SHROOM3: variants seen among roughly 807,000 people sequenced by gnomAD.
SHROOM3 encodes shroom family member 3.
Under a neutral mutation model 138.6 loss-of-function variants are expected in SHROOM3, and 47 were observed. The ratio of observed to expected loss-of-function variants is 0.34; its 90% CI spans 0.27 to 0.43. SHROOM3 has a LOEUF of 0.43. SHROOM3 is among the 20% of genes least tolerant of loss of function. The probability of loss-of-function intolerance (pLI) is 1.00; values close to 1 mark genes in which losing one functional copy is unlikely to be tolerated. For synonymous variants in SHROOM3, 1,062 were observed against 1,063.3 expected (o/e 1.00, Z 0.02); for missense variants, 2,491 against 2,596.5 (o/e 0.96, Z 0.88).
In SHROOM3 at chr4:76,778,976, G is replaced by T. The variant is rs563361488; in HGVS notation, c.5790G>T (p.Thr1930=). The stretch of plus-strand genomic sequence containing the variant: ...AGCACTTCGTGAAAATGAAGTCCAC[G>T]CTCCTCATTGAGCAACGGAAGCTGG... ...DYQHFVKMKS[T]LLIEQRKLDD... The change falls in exon 11 of 11, where the codon ACG becomes ACT. Residue 1930 remains threonine (T), a synonymous_variant. Coordinates refer to ENST00000296043, the MANE Select transcript of SHROOM3 (RefSeq NM_020859.4). 1.9e-6 allele frequency: 3 copies of T among 1,614,122 alleles called. No homozygotes were observed. The highest frequency in any genetic ancestry group is 2.5e-6 in the Non-Finnish European group (3 of 1,180,026).
chr4:76,548,111 A>G (rs1026546278), intron 1 of SHROOM3, among the ~76,000 whole-genome samples: 2 of 151,640 alleles, frequency 1.3e-5, no homozygotes, highest in Admixed American at 6.6e-5. Context: ...AAAAAGTCAA[A>G]TGGTTCCCTG....
chr4:76,660,080 G>A (rs556693347), intron 2 of SHROOM3, among the ~76,000 whole-genome samples: 3 of 152,042 alleles, frequency 2.0e-5, no homozygotes, highest in African/African-American at 4.8e-5. Flanking sequence ...CACCTCACAC[G>A]CACCTCTCTC....
intron 1 of SHROOM3, among the ~76,000 whole-genome samples, chr4:76,511,430 C>T (rs755648955): frequency 6.6e-5 from 10 of 152,090 alleles, no homozygotes; most frequent in South Asian, 2.1e-4. Flanking sequence ...ATGCTTTTAT[C>T]GCTATAATCG....
At chr4:76,676,944 C>CAAAAAAAAAAAAAAAAA (rs58270392) in intron 2 of SHROOM3, among the ~76,000 whole-genome samples, 45 of 79,042 alleles carry the variant, frequency 5.7e-4, no homozygotes, top group African/African-American at 2.4e-3. Context: ...CTCCGTCTCA[C>CAAAAAAAAAAAAAAAAA]AAAAAAAAAA....
intron 2 of SHROOM3, chr4:76,645,301 T>A (rs1735788921): frequency 6.6e-6 from 1 of 152,140 alleles, no homozygotes; most frequent in Non-Finnish European, 1.5e-5. Flanking sequence ...CTCTCCAGCC[T>A]CTCCCCACCG....
intron 2 of SHROOM3, chr4:76,586,125 A>AGT (rs1734147130): frequency 6.7e-6 from 3 of 450,380 alleles, no homozygotes; most frequent in Non-Finnish European, 8.8e-6. Context: ...GTTCTGGCCG[A>AGT]GTGGACTTCC....
chr4:76,440,070 C>T (rs1461625343), intron 1 of SHROOM3, among the ~76,000 whole-genome samples: 3 of 152,158 alleles, frequency 2.0e-5, no homozygotes, highest in Non-Finnish European at 4.4e-5. Flanking sequence ...AAAGCAGTTC[C>T]ACCTGCAGAA....
intron 2 of SHROOM3, chr4:76,688,272 C>G (rs1577974351): frequency 2.3e-6 from 1 of 433,318 alleles, no homozygotes. Flanking sequence ...CAGGGAGGAG[C>G]CTGTCCATGA....
At chr4:76,734,175 C>A (rs2110130237) in intron 4 of SHROOM3, among the ~76,000 whole-genome samples, 1 of 152,284 alleles carries the variant, frequency 6.6e-6, no homozygotes, top group Admixed American at 6.5e-5. Context: ...AAGCCCCCTG[C>A]ACCACAATTA....
At chr4:76,696,185 G>A (rs1719718541) in intron 2 of SHROOM3, among the ~76,000 whole-genome samples, 1 of 152,198 alleles carries the variant, frequency 6.6e-6, no homozygotes, top group African/African-American at 2.4e-5. Flanking sequence ...GCTTTGCTGT[G>A]CAAAAGCTCC....
intron 1 of SHROOM3, among the ~76,000 whole-genome samples, chr4:76,495,085 C>G (rs1731936141): frequency 6.6e-6 from 1 of 152,176 alleles, no homozygotes; most frequent in African/African-American, 2.4e-5. Flanking sequence ...TGCAGTGTAA[C>G]AAGAGGTGTG....
chr4:76,646,225 A>AATAAATAAATATATATATATATATAT lies in SHROOM3; in HGVS notation c.324-63928_324-63927insAATAAATATATATATATATATATATA, dbSNP rs61374645. Among the ~76,000 whole-genome samples, 156 of 96,134 alleles carry AATAAATAAATATATATATATATATAT rather than the reference A, an allele frequency of 1.6e-3. 1 individual carries two copies. The highest frequency in any genetic ancestry group is 4.4e-3 in the Middle Eastern group (1 of 228). 63.1% of individuals were successfully genotyped at this position (96,134 alleles called of 152,430 possible). On this transcript the variant is annotated intron_variant, in intron 2 of 10. Coordinates refer to ENST00000296043, the MANE Select transcript of SHROOM3 (RefSeq NM_020859.4). ...CCTAGAACTTAAAGTATAATAAATAAATATATATATATATATATATATAAA... is the reference window on the plus strand; with the variant it reads ...CCTAGAACTTAAAGTATAATAAATAAATAAATAAATATATATATATATATATATATATATATATATATATATATAAA...
intron 6 of SHROOM3, 74 bp downstream of exon 6, chr4:76,749,164 A>T: frequency 7.3e-7 from 1 of 1,377,498 alleles, no homozygotes; most frequent in Non-Finnish European, 1.0e-6. Context: ...TCCTTTCTAC[A>T]AGAAATTGAA....
intron 1 of SHROOM3, among the ~76,000 whole-genome samples, chr4:76,498,832 C>G (rs1182325900): frequency 6.6e-6 from 1 of 152,134 alleles, no homozygotes; most frequent in East Asian, 1.9e-4. Context: ...ACAAATTACA[C>G]TCTTGTTGAC....
At chr4:76,555,541 G>A (rs1342103254) in intron 1 of SHROOM3, 68 bp from the exon 2 acceptor site, 1 of 1,607,202 alleles carries the variant, frequency 6.2e-7, no homozygotes, top group East Asian at 2.2e-5. Flanking sequence ...CTGGGCTCGG[G>A]ATAGCCGGAC....
intron 2 of SHROOM3, among the ~76,000 whole-genome samples, chr4:76,584,718 G>C (rs141832967): frequency 1.8e-4 from 28 of 152,322 alleles, no homozygotes; most frequent in Admixed American, 3.9e-4. Flanking sequence ...GCACGGCCTG[G>C]CTGCTCTTGA....
chr4:76,498,864 A>G (rs1486714834), intron 1 of SHROOM3, among the ~76,000 whole-genome samples: 1 of 152,172 alleles, frequency 6.6e-6, no homozygotes, highest in African/African-American at 2.4e-5. Context: ...CCATGAAATT[A>G]AAGAAGGGGA....
intron 2 of SHROOM3, among the ~76,000 whole-genome samples, chr4:76,686,663 T>C (rs1719344326): frequency 6.6e-6 from 1 of 152,148 alleles, no homozygotes. Context: ...AACTTCTCAA[T>C]ATCTATATGA....
At chr4:76,749,179 G>A in intron 6 of SHROOM3, 89 bp downstream of exon 6, 2 of 1,259,356 alleles carry the variant, frequency 1.6e-6, no homozygotes, top group South Asian at 2.4e-5. Context: ...ATTGAAATGT[G>A]ATGTCATATA....
Sources: allele counts gnomAD v4.1 joint callset (sites outside exome capture counted in the v4.1 genomes callset), GRCh38; gene constraint gnomAD v4.1.1; transcripts MANE v1.5; gene names NCBI Gene and HGNC (gene_info 2026-07-23, HGNC 2026-07-21).